The following ADGRV1 variants were observed in gnomAD, a reference collection of about 807,000 sequenced individuals.
ADGRV1 encodes adhesion G protein-coupled receptor V1, also known as G-protein coupled receptor 98.
Under a neutral mutation model 596.2 loss-of-function variants are expected in ADGRV1, and 359 were observed. That is an observed-to-expected ratio of 0.60 (90% confidence interval 0.55 to 0.66). The LOEUF (loss-of-function observed/expected upper bound fraction) is 0.66, where lower values mean the gene tolerates loss of function less well. Ranked by LOEUF, ADGRV1 falls within the 30% of genes least tolerant of loss-of-function variation. The pLI is 0.00. For missense variants in ADGRV1, 7,274 were observed against 7,575.6 expected (o/e 0.96, Z 1.48); for synonymous variants, 2,681 against 2,679.2 (o/e 1.00, Z -0.02).
chr5:90,807,492 A>G (rs1196190501), intron 72 of ADGRV1, 110 bp from the exon 73 acceptor site: 2 of 1,049,002 alleles, frequency 1.9e-6, no homozygotes, highest in East Asian at 2.7e-5. Context: ...CCTTTTGTGA[A>G]CTATAATTGA....
intron 45 of ADGRV1, among the ~76,000 whole-genome samples, chr5:90,721,531 AAAAATAAAATAAAAT>A (rs369937781): frequency 6.1e-5 from 5 of 82,642 alleles, no homozygotes; most frequent in Non-Finnish European, 1.3e-4. Context: ...AAATAAAAAT[AAAAATAAAATAAAAT>A]AAAATAAAAT....
chr5:90,713,825 G>T (rs1749717556), intron 42 of ADGRV1, among the ~76,000 whole-genome samples: 1 of 152,120 alleles, frequency 6.6e-6, no homozygotes. Context: ...ATGAGTAGGA[G>T]AAAGGAATAT....
intron 50 of ADGRV1, among the ~76,000 whole-genome samples, chr5:90,737,468 T>C (rs1753392466): frequency 6.6e-6 from 1 of 151,978 alleles, no homozygotes; most frequent in Non-Finnish European, 1.5e-5. Context: ...TGTAATTAAG[T>C]CCAGTGTTTT....
At position 90,628,705 on chromosome 5, in the gene ADGRV1, G is replaced by A. The variant is rs993120338; in HGVS notation, c.1382G>A (p.Gly461Glu). 5 of 1,613,826 alleles carry A rather than the reference G, an allele frequency of 3.1e-6. No individual in the cohort carries two copies. In the African/African-American group the frequency reaches 6.7e-5, roughly 22 times the overall value. Residue 461 changes from glycine (G) to glutamate (E), a missense_variant, in exon 8 of 90, where the codon GGG (glycine) becomes GAG (glutamate). Gly to Glu is a moderately conservative substitution (Grantham distance 98). Coordinates refer to ENST00000405460, the MANE Select transcript of ADGRV1 (RefSeq NM_032119.4). Reference protein sequence around the residue: ...PSSGVLHFAQGQMLATIPLTV... With the variant: ...PSSGVLHFAQEQMLATIPLTV... ...TCTGGAGTTCTCCATTTTGCACAAG[G>A]GCAGATGTTGGCAACAATTCCTCTT...
intron 87 of ADGRV1, among the ~76,000 whole-genome samples, chr5:91,149,662 G>A (rs147286604): frequency 0.044 from 6,619 of 151,674 alleles, 398 homozygotes; most frequent in African/African-American, 0.13. Context: ...TGAAACCCCC[G>A]TCTCTACTAA....
intron 77 of ADGRV1, 64 bp from the exon 78 acceptor site, chr5:90,840,514 A>G: frequency 7.3e-7 from 1 of 1,364,228 alleles, no homozygotes; most frequent in Non-Finnish European, 9.9e-7. Flanking sequence ...AAGAAACAAG[A>G]ATTTGTTTAG....
chr5:91,098,428 C>T (rs1453294790), intron 86 of ADGRV1, among the ~76,000 whole-genome samples: 2 of 152,300 alleles, frequency 1.3e-5, no homozygotes, highest in South Asian at 2.1e-4. Flanking sequence ...TTGGCCCCTT[C>T]CAAGATCCTG....
chr5:90,559,804 T>C (rs1356175482), intron 1 of ADGRV1, among the ~76,000 whole-genome samples: 1 of 152,202 alleles, frequency 6.6e-6, no homozygotes, highest in East Asian at 1.9e-4. Context: ...ACTGAAGTTA[T>C]GATTACTTTA....
chr5:90,759,035 G>A (rs1756149951), intron 57 of ADGRV1, among the ~76,000 whole-genome samples: 1 of 151,954 alleles, frequency 6.6e-6, no homozygotes, highest in South Asian at 2.1e-4. Flanking sequence ...GTTAGAACCT[G>A]CATGACATTA....
At chr5:90,818,966 A>G (rs1763194797) in intron 75 of ADGRV1, among the ~76,000 whole-genome samples, 1 of 151,708 alleles carries the variant, frequency 6.6e-6, no homozygotes, top group Non-Finnish European at 1.5e-5. Flanking sequence ...TTTTCTGTTG[A>G]TTGGAATAGT....
intron 83 of ADGRV1, among the ~76,000 whole-genome samples, chr5:90,955,153 T>C (rs192198074): frequency 5.9e-4 from 90 of 152,270 alleles, no homozygotes; most frequent in Admixed American, 1.4e-3. Context: ...TTCTGGCACT[T>C]TGATCTTGGA....
chr5:90,856,324 C>T (rs1027851228), intron 82 of ADGRV1, among the ~76,000 whole-genome samples: 1 of 152,042 alleles, frequency 6.6e-6, no homozygotes, highest in South Asian at 2.1e-4. Context: ...TTAAAGCTAC[C>T]TCATGGGTAG....
chr5:91,012,243 G>C (rs754616847), intron 85 of ADGRV1, among the ~76,000 whole-genome samples: 2 of 151,884 alleles, frequency 1.3e-5, no homozygotes, highest in East Asian at 3.9e-4. Flanking sequence ...ATACCTTTCA[G>C]CTTGGTCTAC....
At chr5:90,729,910 A>G (rs1398818160) in intron 50 of ADGRV1, 146 bp downstream of exon 50, 10 of 753,480 alleles carry the variant, frequency 1.3e-5, no homozygotes, top group Admixed American at 5.8e-5. Context: ...TGTGTTGCCC[A>G]GGCTGGAGTG....
chr5:91,008,589 C>T (rs529027026), intron 85 of ADGRV1, among the ~76,000 whole-genome samples: 2 of 151,996 alleles, frequency 1.3e-5, no homozygotes, highest in African/African-American at 4.8e-5. Context: ...CTGCAACCTC[C>T]ACCTCCCAGG....
At chr5:91,090,297 G>C (rs551364689) in intron 86 of ADGRV1, among the ~76,000 whole-genome samples, 6 of 152,240 alleles carry the variant, frequency 3.9e-5, no homozygotes, top group African/African-American at 1.4e-4. Flanking sequence ...TGCGAGGTCT[G>C]TGTGGGTATG....
At chr5:90,923,706 TGCC>T (rs1774112266) in intron 83 of ADGRV1, among the ~76,000 whole-genome samples, 1 of 152,184 alleles carries the variant, frequency 6.6e-6, no homozygotes, top group Admixed American at 6.5e-5. Flanking sequence ...TGTATACATG[TGCC>T]ATGCTGGTGC....
intron 75 of ADGRV1, among the ~76,000 whole-genome samples, chr5:90,816,015 T>C (rs1390718375): frequency 1.3e-5 from 2 of 152,234 alleles, no homozygotes; most frequent in Non-Finnish European, 2.9e-5. Flanking sequence ...CTGCTCACTC[T>C]ACATACATAC....
chr5:90,617,195 A>G (rs1438077808), intron 2 of ADGRV1: 2 of 152,204 alleles, frequency 1.3e-5, no homozygotes, highest in African/African-American at 4.8e-5. Context: ...CTCCAGATCA[A>G]TCAAGAGCAG....
Sources: gnomAD v4.1 joint callset for allele counts (sites outside exome capture counted in the v4.1 genomes callset) on GRCh38, gnomAD v4.1.1 for gene constraint, MANE v1.5 for transcripts, NCBI Gene and HGNC (gene_info 2026-07-23, HGNC 2026-07-21) for gene names.